LIG1: variants seen among roughly 807,000 people sequenced by gnomAD.
The protein encoded by LIG1 is DNA ligase 1.
Under a neutral mutation model 115.7 loss-of-function variants are expected in LIG1, and 70 were observed. The observed-to-expected ratio is 0.60, with a 90% confidence interval of 0.50 to 0.74. The LOEUF (loss-of-function observed/expected upper bound fraction) is 0.74. Among genes scored for constraint, LIG1 ranks in the 30% least tolerant of loss-of-function variants. The probability of loss-of-function intolerance (pLI) is 0.00; values close to 1 mark genes in which losing one functional copy is unlikely to be tolerated. For synonymous variants in LIG1, 487 were observed against 495.3 expected (o/e 0.98, Z 0.22); for missense variants, 1,115 against 1,225.6 (o/e 0.91, Z 1.35).
chr19:48,157,033 C>A lies in LIG1; in HGVS notation c.351G>T (p.Gly117=), dbSNP rs369586278. 2.1e-5 allele frequency: 34 copies of A among 1,597,522 alleles called. No individual in the cohort carries two copies. In the African/African-American group the frequency reaches 4.3e-4, roughly 20 times the overall value. The part of the protein sequence containing the change: ...DTSPMDSSPS[G]IPKRRTARKQ... ...TCTCACCTGTGCGACGCTTCGGAAT[C>A]CCTGATGGGGAACTGTCCATGGGAG... The change falls in exon 5 of 28, where the codon GGG becomes GGT. Residue 117 remains glycine (G), a synonymous_variant. Transcript: ENST00000263274.
At position 48,146,507 on chromosome 19, in the gene LIG1, T is replaced by C. The variant is rs562560257; in HGVS notation, c.777-2544A>G. 2.0e-5 allele frequency among the ~76,000 whole-genome samples: 3 copies of C among 152,264 alleles called. No homozygotes were observed. The South Asian group carries it at 6.2e-4, about 32-fold the overall frequency. On this transcript the variant is annotated intron_variant, in intron 9 of 27. Transcript: ENST00000263274. The stretch of plus-strand genomic sequence containing the variant: ...AAAGTTTAAGTCTAACAAAAAAGTG[T>C]CTGTCTCTATTAAAAATACAAAAGT...
At chr19:48,142,903 G>A (rs545232298) in intron 11 of LIG1, among the ~76,000 whole-genome samples, 11 of 152,206 alleles carry the variant, frequency 7.2e-5, no homozygotes, top group Admixed American at 6.5e-4. Flanking sequence ...TTGGCCTCCC[G>A]ATGTGCTGGA....
intron 9 of LIG1, among the ~76,000 whole-genome samples, chr19:48,148,547 C>T (rs1008873322): frequency 1.3e-5 from 2 of 151,226 alleles, no homozygotes; most frequent in African/African-American, 4.9e-5. Flanking sequence ...CAGGAAAAGG[C>T]TGCAGATGCC....
intron 4 of LIG1, among the ~76,000 whole-genome samples, chr19:48,157,492 T>C (rs2035924492): frequency 6.6e-6 from 1 of 152,114 alleles, no homozygotes; most frequent in South Asian, 2.1e-4. Flanking sequence ...TGGCCAGCTC[T>C]ACACAATGGG....
At chr19:48,121,852 G>A (rs190602255) in intron 23 of LIG1, among the ~76,000 whole-genome samples, 5 of 152,298 alleles carry the variant, frequency 3.3e-5, no homozygotes, top group East Asian at 1.9e-4. Flanking sequence ...AGGCGGGATC[G>A]ATGGGACCTC....
chr19:48,136,972 GT>G, intron 14 of LIG1, 35 bp downstream of exon 14: 1 of 1,545,844 alleles, frequency 6.5e-7, no homozygotes, highest in Non-Finnish European at 8.9e-7. Context: ...CGAGCCTGCA[GT>G]CCCCCTCTGT....
chr19:48,137,434 T>C lies in LIG1; in HGVS notation c.1254+88A>G. On this transcript the variant is annotated intron_variant, in intron 13 of 27. Coordinates refer to ENST00000263274, the MANE Select transcript of LIG1 (RefSeq NM_000234.3). The surrounding 1 kb of genome is among the most constrained non-coding windows in gnomAD (Gnocchi z 4.3). The stretch of plus-strand genomic sequence containing the variant: ...AGAAGGACTGATGCGACCCAGCTGA[T>C]GGTCTACCCAGAAGCCTTCCTGACA... 1 of 1,526,232 alleles carries C rather than the reference T, an allele frequency of 6.6e-7. No individual in the cohort carries two copies. The highest frequency in any genetic ancestry group is 1.4e-5 in the African/African-American group (1 of 73,362). 94.5% of individuals were successfully genotyped at this position (1,526,232 alleles called of 1,614,324 possible).
At chr19:48,157,580 T>C (rs1190380902) in intron 4 of LIG1, among the ~76,000 whole-genome samples, 1 of 152,218 alleles carries the variant, frequency 6.6e-6, no homozygotes, top group African/African-American at 2.4e-5. Context: ...GGTGTCATTC[T>C]GTCGCCCAGG....
At chr19:48,116,660 T>C (rs568480875) in intron 26 of LIG1, among the ~76,000 whole-genome samples, 41 of 152,152 alleles carry the variant, frequency 2.7e-4, no homozygotes, top group African/African-American at 9.2e-4. Context: ...ATGGAGATGT[T>C]TGTGTCACTA....
chr19:48,118,667 T>C (rs1450825664), intron 25 of LIG1, among the ~76,000 whole-genome samples: 3 of 147,024 alleles, frequency 2.0e-5, no homozygotes, highest in Non-Finnish European at 4.4e-5. Context: ...GCCTCCCAAG[T>C]AGCTGGGACC....
chr19:48,128,505 G>A (rs899864816), intron 19 of LIG1, among the ~76,000 whole-genome samples: 2 of 152,166 alleles, frequency 1.3e-5, no homozygotes, highest in African/African-American at 4.8e-5. Flanking sequence ...GGTCAGCCTG[G>A]GTCGTCCCTC....
intron 26 of LIG1, among the ~76,000 whole-genome samples, chr19:48,116,396 T>C (rs1175056519): frequency 1.5e-5 from 2 of 136,240 alleles, no homozygotes; most frequent in African/African-American, 5.7e-5. Flanking sequence ...TGCAGTGAGC[T>C]GAGATTGCGC....
chr19:48,139,275 C>T (rs1389550696), intron 12 of LIG1, among the ~76,000 whole-genome samples: 1 of 152,226 alleles, frequency 6.6e-6, no homozygotes, highest in East Asian at 1.9e-4. Flanking sequence ...TGCCCCTCAC[C>T]AGGGTCCCAA....
intron 12 of LIG1, among the ~76,000 whole-genome samples, chr19:48,139,033 A>G (rs932868937): frequency 6.6e-6 from 1 of 152,126 alleles, no homozygotes; most frequent in African/African-American, 2.4e-5. Context: ...GTTGGTGCCC[A>G]TGGCCCTAAG....
At chr19:48,146,884 A>G (rs1568525445) in intron 9 of LIG1, among the ~76,000 whole-genome samples, 1 of 151,928 alleles carries the variant, frequency 6.6e-6, no homozygotes, top group African/African-American at 2.4e-5. Context: ...CCCTACCCCC[A>G]CCTCCCTGTG....
At chr19:48,165,859 T>C in intron 1 of LIG1, 2 of 533,220 alleles carry the variant, frequency 3.8e-6, no homozygotes, top group Non-Finnish European at 6.7e-6. Context: ...ATAAGAAGAC[T>C]GTTTTTCATC....
At position 48,131,058 on chromosome 19, in the gene LIG1, T is replaced by A; in HGVS notation, c.1821+18A>T. 6.2e-7 allele frequency: 1 copy of A among 1,604,242 alleles called. No individual in the cohort carries two copies. Among genetic ancestry groups the A allele is most frequent in the Non-Finnish European group, 8.5e-7 (1 of 1,170,908 alleles). Reference sequence around the variant, plus strand: ...ACCACAGACCCTGGCAGAGTGCAAGTGTGTGGCAGACGCCCACCTTGGGGA... The same window carrying A: ...ACCACAGACCCTGGCAGAGTGCAAGAGTGTGGCAGACGCCCACCTTGGGGA... On this transcript the variant is annotated intron_variant, in intron 19 of 27. Transcript: ENST00000263274.
In LIG1 at chr19:48,127,909, C is replaced by T; in HGVS notation, c.1932+1G>A. 6.8e-6 allele frequency: 11 copies of T among 1,613,178 alleles called. No individual in the cohort carries two copies. The highest frequency in any genetic ancestry group is 9.3e-6 in the Non-Finnish European group (11 of 1,179,240). ...GCAGGCAGTGGAGCGGGTGATGCTACCTTGCGTTTGCGGGTGGTGAGCACT... is the reference window on the plus strand; with the variant it reads ...GCAGGCAGTGGAGCGGGTGATGCTATCTTGCGTTTGCGGGTGGTGAGCACT... On this transcript the variant is annotated splice_donor_variant, in intron 20 of 27. Transcript: ENST00000263274. LOFTEE classifies it high-confidence loss of function.
intron 11 of LIG1, among the ~76,000 whole-genome samples, chr19:48,143,317 T>C (rs1372141237): frequency 6.6e-6 from 1 of 152,188 alleles, no homozygotes; most frequent in Non-Finnish European, 1.5e-5. Flanking sequence ...ACCCTGCACA[T>C]CTGGGCTCGC....
Sources: allele counts gnomAD v4.1 joint callset (sites outside exome capture counted in the v4.1 genomes callset), GRCh38; gene constraint gnomAD v4.1.1; non-coding constraint Gnocchi (gnomAD v3.1); transcripts MANE v1.5; gene names NCBI Gene and HGNC (gene_info 2026-07-23, HGNC 2026-07-21).